TXNRD1: variants seen among roughly 807,000 people sequenced by gnomAD.
TXNRD1 encodes thioredoxin reductase 1, cytoplasmic.
A neutral mutation model predicts 80.3 loss-of-function variants in TXNRD1; 57 were observed. The observed-to-expected ratio is 0.71, with a 90% confidence interval of 0.57 to 0.89. The LOEUF is 0.89. Among genes scored for constraint, TXNRD1 ranks in the 40% least tolerant of loss-of-function variants. The pLI, the probability that TXNRD1 is intolerant of heterozygous loss-of-function variation, is 0.00. For missense variants in TXNRD1, 730 were observed against 803.0 expected (o/e 0.91, Z 1.10); for synonymous variants, 291 against 285.2 (o/e 1.02, Z -0.20).
intron 15 of TXNRD1, among the ~76,000 whole-genome samples, chr12:104,337,812 G>T (rs938729069): frequency 2.6e-5 from 4 of 151,536 alleles, no homozygotes; most frequent in Non-Finnish European, 4.4e-5. Flanking sequence ...TTAGAGACAG[G>T]GTCTTACTTT....
chr12:104,266,088 G>A (rs556068808), intron 3 of TXNRD1, among the ~76,000 whole-genome samples: 2 of 151,924 alleles, frequency 1.3e-5, no homozygotes, highest in African/African-American at 4.8e-5. Context: ...ATTTTTTCCT[G>A]TATGTTGTAT....
At chr12:104,301,377 G>A (rs2034620414) in intron 4 of TXNRD1, among the ~76,000 whole-genome samples, 1 of 151,954 alleles carries the variant, frequency 6.6e-6, no homozygotes. Flanking sequence ...TCGCTCTGTC[G>A]CCCAGGCTGG....
intron 7 of TXNRD1, among the ~76,000 whole-genome samples, chr12:104,318,072 G>C (rs1281591651): frequency 2.0e-5 from 3 of 152,202 alleles, no homozygotes. Context: ...ACCCTGGGTT[G>C]AGGGGTACGG....
chr12:104,335,238 G>A (rs1336887395), intron 15 of TXNRD1, among the ~76,000 whole-genome samples: 1 of 132,982 alleles, frequency 7.5e-6, no homozygotes, highest in Non-Finnish European at 1.5e-5. Context: ...GTCTTGCTCT[G>A]TTGCCCAGGC....
At chr12:104,334,564 G>A (rs951059262) in intron 15 of TXNRD1, among the ~76,000 whole-genome samples, 3 of 152,048 alleles carry the variant, frequency 2.0e-5, no homozygotes, top group Non-Finnish European at 2.9e-5. Context: ...GTAGACGGGG[G>A]TTTCACCATG....
At chr12:104,331,681 C>A in intron 14 of TXNRD1, 40 bp downstream of exon 14, 1 of 1,318,478 alleles carries the variant, frequency 7.6e-7, no homozygotes. Context: ...TATATCACTA[C>A]TTTTTTTTCT....
chr12:104,274,136 G>A (rs1181231936), intron 3 of TXNRD1, among the ~76,000 whole-genome samples: 2 of 152,144 alleles, frequency 1.3e-5, no homozygotes, highest in Non-Finnish European at 2.9e-5. Flanking sequence ...GAACTATAAG[G>A]TTCTCATCTG....
At chr12:104,245,461 G>A (rs2135698412) in intron 1 of TXNRD1, among the ~76,000 whole-genome samples, 1 of 124,964 alleles carries the variant, frequency 8.0e-6, no homozygotes, top group Non-Finnish European at 1.6e-5. Flanking sequence ...AGGTTGCGGT[G>A]AGCCGAGATC....
chr12:104,288,353 T>G (rs561986106), intron 3 of TXNRD1, among the ~76,000 whole-genome samples: 4 of 152,332 alleles, frequency 2.6e-5, no homozygotes, highest in African/African-American at 9.6e-5. Flanking sequence ...GTTCACCCCT[T>G]TGTGAAATTT....
intron 4 of TXNRD1, among the ~76,000 whole-genome samples, chr12:104,305,592 CAAATGCATGGAATTGTTAG>C (rs1565890850): frequency 6.6e-6 from 1 of 152,140 alleles, no homozygotes; most frequent in African/African-American, 2.4e-5. Flanking sequence ...ATAGCAAGGT[CAAATGCATGGAATTGTTAG>C]AAGTTAGGCA....
chr12:104,312,506 G>A (rs2035175385), intron 5 of TXNRD1, among the ~76,000 whole-genome samples: 1 of 152,190 alleles, frequency 6.6e-6, no homozygotes, highest in African/African-American at 2.4e-5. Context: ...GAAAGTAATT[G>A]AGGAATAATA....
chr12:104,287,358 C>T (rs756333079), intron 3 of TXNRD1: 14 of 1,613,956 alleles, frequency 8.7e-6, no homozygotes, highest in Non-Finnish European at 1.0e-5. Context: ...TAGGTGAGGC[C>T]GGCGCCTGTA....
intron 9 of TXNRD1, among the ~76,000 whole-genome samples, chr12:104,319,852 C>A (rs185734207): frequency 3.3e-5 from 5 of 152,156 alleles, no homozygotes; most frequent in Admixed American, 1.3e-4. Context: ...CATTTGTATT[C>A]GAAATTTATT....
chr12:104,263,116 T>C (rs34199247), intron 3 of TXNRD1, among the ~76,000 whole-genome samples: 22,060 of 152,264 alleles, frequency 0.14, 2,015 homozygotes, highest in Non-Finnish European at 0.2. Context: ...GGCATTCATG[T>C]CCTGTGTGTA....
intron 1 of TXNRD1, among the ~76,000 whole-genome samples, chr12:104,234,386 C>T (rs2032688747): frequency 3.3e-5 from 5 of 152,242 alleles, no homozygotes; most frequent in Admixed American, 2.6e-4. Flanking sequence ...CCTCTGCCTC[C>T]TGGGTTCAAG....
intron 3 of TXNRD1, among the ~76,000 whole-genome samples, chr12:104,270,425 G>A (rs1292294285): frequency 6.6e-5 from 10 of 152,144 alleles, no homozygotes. Flanking sequence ...CACATGCACT[G>A]TCAATGAGCA....
intron 4 of TXNRD1, among the ~76,000 whole-genome samples, chr12:104,296,649 G>A (rs971932137): frequency 6.6e-6 from 1 of 152,208 alleles, no homozygotes; most frequent in Non-Finnish European, 1.5e-5. Context: ...TTAATACCTA[G>A]TGTGCATTCA....
At position 104,267,721 on chromosome 12, in the gene TXNRD1, C is replaced by CTT. The variant is rs1555209319; in HGVS notation, c.304+9643_304+9644insTT. ...TCTTTCTCTCTTTCTTTCTTTCTTT[C>CTT]TCTTTCTTTCTTTCCTTTCTTCCTT... is the stretch of plus-strand genomic sequence containing the variant. On this transcript the variant is annotated intron_variant, in intron 3 of 16. Transcript: ENST00000525566. 3.7e-3 allele frequency among the ~76,000 whole-genome samples: 317 copies of CTT among 84,688 alleles called. 1 individual carries two copies. Among genetic ancestry groups the CTT allele is most frequent in the Non-Finnish European group, 6.4e-3 (221 of 34,772 alleles). 55.6% of individuals were successfully genotyped at this position (84,688 alleles called of 152,430 possible).
intron 6 of TXNRD1, among the ~76,000 whole-genome samples, chr12:104,315,022 C>T (rs570600982): frequency 1.3e-5 from 2 of 152,260 alleles, no homozygotes; most frequent in South Asian, 2.1e-4. Flanking sequence ...GGATTACAGG[C>T]GTGAGCCACC....
Sources: allele counts gnomAD v4.1 joint callset (sites outside exome capture counted in the v4.1 genomes callset), GRCh38; gene constraint gnomAD v4.1.1; transcripts MANE v1.5; gene names NCBI Gene and HGNC (gene_info 2026-07-23, HGNC 2026-07-21).